DLG2: variants seen among roughly 807,000 people sequenced by gnomAD.
DLG2 encodes discs large MAGUK scaffold protein 2, also known as disks large homolog 2.
A neutral mutation model predicts 132.5 loss-of-function variants in DLG2; 45 were observed. The observed-to-expected ratio is 0.34, with a 90% confidence interval of 0.27 to 0.44. The LOEUF is 0.44. Among genes scored for constraint, DLG2 ranks in the 20% least tolerant of loss-of-function variants. The pLI, the probability that DLG2 is intolerant of heterozygous loss-of-function variation, is 1.00. For missense variants in DLG2, 1,045 were observed against 1,196.9 expected, an observed-to-expected ratio of 0.87 and a Z score of 1.87; for synonymous variants, 424 against 419.6, an observed-to-expected ratio of 1.01 and a Z score of -0.13.
chr11:84,862,826 G>T (rs891152449), intron 6 of DLG2, among the ~76,000 whole-genome samples: 15 of 128,038 alleles, frequency 1.2e-4, no homozygotes, highest in South Asian at 6.7e-4. Context: ...TCGGGGGGGG[G>T]GGGTGGGGGA....
intron 7 of DLG2, among the ~76,000 whole-genome samples, chr11:84,516,447 T>C (rs1271683101): frequency 6.6e-6 from 1 of 151,588 alleles, no homozygotes; most frequent in Non-Finnish European, 1.5e-5. Context: ...CTATTATATA[T>C]GGACAAATTG....
intron 6 of DLG2, among the ~76,000 whole-genome samples, chr11:84,836,918 G>C (rs954568007): frequency 6.6e-6 from 1 of 151,766 alleles, no homozygotes; most frequent in African/African-American, 2.4e-5. Flanking sequence ...GTGCAGGTTT[G>C]TTACAGATGT....
chr11:85,092,261 C>T (rs930960178), intron 6 of DLG2, among the ~76,000 whole-genome samples: 2 of 152,030 alleles, frequency 1.3e-5, no homozygotes, highest in African/African-American at 4.8e-5. Context: ...TTAAAATATT[C>T]AGAAAACCAG....
At chr11:83,461,595 C>A (rs569150407) in intron 27 of DLG2, 1 of 158,370 alleles carries the variant, frequency 6.3e-6, no homozygotes. Flanking sequence ...GGGACGGACG[C>A]CTCCAAGCTT....
At chr11:85,466,524 A>G (rs141535152) in intron 3 of DLG2, among the ~76,000 whole-genome samples, 3,395 of 152,278 alleles carry the variant, frequency 0.022, 121 homozygotes, top group African/African-American at 0.076. Context: ...AGCTTTCTAC[A>G]TATGGCTAGC....
At chr11:83,907,163 C>G (rs931725508) in intron 15 of DLG2, among the ~76,000 whole-genome samples, 2 of 151,996 alleles carry the variant, frequency 1.3e-5, no homozygotes, top group African/African-American at 4.8e-5. Context: ...AATGAGAGAA[C>G]ATTTAATGTG....
intron 3 of DLG2, among the ~76,000 whole-genome samples, chr11:85,331,292 A>C (rs576637172): frequency 6.6e-6 from 1 of 152,260 alleles, no homozygotes; most frequent in South Asian, 2.1e-4. Flanking sequence ...GTTCCTGGCC[A>C]AAAAAAGTTC....
chr11:84,380,770 C>T (rs2098746552), intron 7 of DLG2, among the ~76,000 whole-genome samples: 1 of 151,718 alleles, frequency 6.6e-6, no homozygotes, highest in Non-Finnish European at 1.5e-5. Flanking sequence ...ATCAGCAAGG[C>T]CCAATTTAGT....
chr11:85,492,496 C>A (rs1020731067), intron 3 of DLG2, among the ~76,000 whole-genome samples: 2 of 152,144 alleles, frequency 1.3e-5, no homozygotes, highest in African/African-American at 4.8e-5. Context: ...ACTAAGGTAA[C>A]CCCACTCATC....
At chr11:84,282,188 A>G (rs901880539) in intron 7 of DLG2, among the ~76,000 whole-genome samples, 1 of 152,256 alleles carries the variant, frequency 6.6e-6, no homozygotes, top group Non-Finnish European at 1.5e-5. Flanking sequence ...AAAAAGAATG[A>G]AATATTGACA....
intron 16 of DLG2, among the ~76,000 whole-genome samples, chr11:83,851,453 C>T (rs2059758104): frequency 6.6e-6 from 1 of 150,448 alleles, no homozygotes; most frequent in African/African-American, 2.5e-5. Flanking sequence ...GGTGAAACCT[C>T]TTCTCTACTA....
At chr11:83,594,901 G>A (rs1395601552) in intron 19 of DLG2, among the ~76,000 whole-genome samples, 1 of 152,210 alleles carries the variant, frequency 6.6e-6, no homozygotes, top group African/African-American at 2.4e-5. Context: ...CAGCTGAGCT[G>A]AGTTTGAACT....
chr11:83,914,618 A>T (rs778441780), intron 15 of DLG2, among the ~76,000 whole-genome samples: 1 of 152,152 alleles, frequency 6.6e-6, no homozygotes, highest in Admixed American at 6.6e-5. Flanking sequence ...TTTTTAAAAA[A>T]TTCTCATTTT....
At chr11:84,774,015 T>C (rs752801117) in intron 6 of DLG2, among the ~76,000 whole-genome samples, 6 of 152,140 alleles carry the variant, frequency 3.9e-5, no homozygotes, top group Non-Finnish European at 7.4e-5. Context: ...GCTGATGATA[T>C]AATTTTATCC....
intron 6 of DLG2, among the ~76,000 whole-genome samples, chr11:84,582,674 T>C (rs915674961): frequency 3.3e-5 from 5 of 151,958 alleles, no homozygotes; most frequent in Non-Finnish European, 7.4e-5. Context: ...CATCTATAGC[T>C]CTATCTATAT....
chr11:85,379,808 T>C (rs2085729316), intron 3 of DLG2, among the ~76,000 whole-genome samples: 1 of 152,196 alleles, frequency 6.6e-6, no homozygotes, highest in African/African-American at 2.4e-5. Context: ...AGGAGTTCTC[T>C]TCACCTAACT....
At chr11:85,407,088 T>C (rs1044163577) in intron 3 of DLG2, among the ~76,000 whole-genome samples, 1 of 151,828 alleles carries the variant, frequency 6.6e-6, no homozygotes, top group African/African-American at 2.4e-5. Context: ...CAATGACCAG[T>C]ATGCCTAGAT....
chr11:83,875,628 G>A (rs528448131), intron 15 of DLG2, among the ~76,000 whole-genome samples: 52 of 152,264 alleles, frequency 3.4e-4, no homozygotes, highest in African/African-American at 1.2e-3. Flanking sequence ...TACTGAATGT[G>A]TAATTTTAGT....
chr11:85,407,519 A>G (rs568601746), intron 3 of DLG2, among the ~76,000 whole-genome samples: 7 of 152,026 alleles, frequency 4.6e-5, no homozygotes, highest in African/African-American at 1.4e-4. Context: ...CTGTTCTATC[A>G]TATCTAATAT....
Sources: allele counts gnomAD v4.1 joint callset (sites outside exome capture counted in the v4.1 genomes callset), GRCh38; gene constraint gnomAD v4.1.1; transcripts MANE v1.5; gene names NCBI Gene and HGNC (gene_info 2026-07-23, HGNC 2026-07-21).